MAML2: variants seen among roughly 807,000 people sequenced by gnomAD.
The protein encoded by MAML2 is mastermind-like protein 2.
MAML2 carries 22 observed loss-of-function variants against 96.1 expected under a neutral mutation model. The ratio of observed to expected loss-of-function variants is 0.23; its 90% confidence interval spans 0.16 to 0.33. The LOEUF (loss-of-function observed/expected upper bound fraction) is 0.33, where lower values mean the gene tolerates loss of function less well. MAML2 is among the 10% of genes least tolerant of loss of function. The probability of loss-of-function intolerance (pLI) is 1.00; values close to 1 mark genes in which losing one functional copy is unlikely to be tolerated. For synonymous variants in MAML2, 561 were observed against 521.3 expected (o/e 1.08, Z -1.04); for missense variants, 1,367 against 1,392.4 (o/e 0.98, Z 0.29).
intron 1 of MAML2, among the ~76,000 whole-genome samples, chr11:96,266,716 A>G (rs1862832941): frequency 2.0e-5 from 3 of 152,226 alleles, no homozygotes; most frequent in African/African-American, 7.2e-5. Context: ...CTGACATATT[A>G]AGACCTAGGT....
At chr11:96,055,545 G>A (rs896111284) in intron 2 of MAML2, among the ~76,000 whole-genome samples, 3 of 152,194 alleles carry the variant, frequency 2.0e-5, no homozygotes, top group African/African-American at 7.2e-5. Flanking sequence ...AGATGGGTGT[G>A]ATTGAATGAC....
intron 1 of MAML2, among the ~76,000 whole-genome samples, chr11:96,166,173 TCTCTCA>T (rs1316928104): frequency 4.5e-5 from 5 of 110,514 alleles, no homozygotes; most frequent in Non-Finnish European, 5.9e-5. Context: ...TCTCTCTCTC[TCTCTCA>T]CACACACACA....
At chr11:96,202,985 T>G (rs928701959) in intron 1 of MAML2, among the ~76,000 whole-genome samples, 13 of 152,090 alleles carry the variant, frequency 8.5e-5, no homozygotes, top group African/African-American at 3.1e-4. Flanking sequence ...CCTAGTAAAG[T>G]TTTGAACACA....
chr11:96,326,057 C>A (rs1214156924), intron 1 of MAML2, among the ~76,000 whole-genome samples: 1 of 151,750 alleles, frequency 6.6e-6, no homozygotes, highest in Non-Finnish European at 1.5e-5. Flanking sequence ...CGTTAAATTT[C>A]TCTTGTTCCT....
chr11:96,108,002 A>G (rs1262954541), intron 1 of MAML2, among the ~76,000 whole-genome samples: 1 of 152,180 alleles, frequency 6.6e-6, no homozygotes, highest in Non-Finnish European at 1.5e-5. Context: ...TACTCTAGCA[A>G]ATGAATCAAA....
intron 1 of MAML2, among the ~76,000 whole-genome samples, chr11:96,234,408 GA>G (rs1461075656): frequency 6.6e-6 from 1 of 152,166 alleles, no homozygotes; most frequent in African/African-American, 2.4e-5. Context: ...TTGAACCCGG[GA>G]GGCGGAGGTT....
At chr11:96,186,888 G>A (rs1416694363) in intron 1 of MAML2, among the ~76,000 whole-genome samples, 1 of 152,132 alleles carries the variant, frequency 6.6e-6, no homozygotes, top group Non-Finnish European at 1.5e-5. Context: ...TTTACACAGA[G>A]GCTACCATAT....
intron 1 of MAML2, among the ~76,000 whole-genome samples, chr11:96,167,941 A>C (rs1053245108): frequency 6.6e-6 from 1 of 152,188 alleles, no homozygotes; most frequent in African/African-American, 2.4e-5. Context: ...GTAATGACCT[A>C]TGTATATGTC....
rs1341978004 is a variant in MAML2 at position 96,341,567 on chromosome 11, G to A, written c.329C>T (p.Ala110Val). The change falls in exon 1 of 5, where the codon GCT becomes GTT. Residue 110 changes from alanine (A) to valine (V), a missense_variant. Ala to Val is a moderately conservative substitution (Grantham distance 64). Coordinates refer to ENST00000524717, the MANE Select transcript of MAML2 (RefSeq NM_032427.4). Reference sequence around the variant, plus strand: ...TGCTTGGGAGGCCGCAGGAGGGGCAGCAGGGGGCGGTGGAGGGGCTGTAGT... The same window carrying A: ...TGCTTGGGAGGCCGCAGGAGGGGCAACAGGGGGCGGTGGAGGGGCTGTAGT... ...ATTTAPPPPP[A>V]APPAASQAAA... The A allele has an allele frequency of 6.4e-7, 1 of 1,551,162 alleles. No homozygotes were observed. Among genetic ancestry groups the A allele is most frequent in the Non-Finnish European group, 8.7e-7 (1 of 1,146,932 alleles).
chr11:96,342,233 C>T lies in MAML2; in HGVS notation c.-338G>A, dbSNP rs747842120. On this transcript the variant is annotated 5_prime_UTR_variant, in exon 1 of 5. Coordinates refer to ENST00000524717, the MANE Select transcript of MAML2 (RefSeq NM_032427.4). The stretch of plus-strand genomic sequence containing the variant: ...CCAAGCTGACAAGAGCCACTAGGTA[C>T]TTTGTAAACACACGATCTGGGGGTT... 2 of 456,872 alleles carry T rather than the reference C, an allele frequency of 4.4e-6. No homozygotes were observed. Among genetic ancestry groups the T allele is most frequent in the African/African-American group, 2.0e-5 (1 of 50,382 alleles). 28.3% of individuals were successfully genotyped at this position (456,872 alleles called of 1,614,324 possible).
At chr11:96,070,840 G>T (rs1859333685) in intron 2 of MAML2, among the ~76,000 whole-genome samples, 1 of 152,242 alleles carries the variant, frequency 6.6e-6, no homozygotes, top group African/African-American at 2.4e-5. Flanking sequence ...ACACAACTAT[G>T]GGATGCACAC....
chr11:96,199,647 G>A (rs561315015), intron 1 of MAML2, among the ~76,000 whole-genome samples: 1 of 152,028 alleles, frequency 6.6e-6, no homozygotes, highest in Admixed American at 6.6e-5. Flanking sequence ...CTCTTTGTCA[G>A]TACTTCTGTC....
chr11:96,181,142 G>A lies in MAML2; in HGVS notation c.514-87625C>T, dbSNP rs1861478395. Among the ~76,000 whole-genome samples, 7 of 152,274 alleles carry A rather than the reference G, an allele frequency of 4.6e-5. No individual in the cohort carries two copies. In the South Asian group the frequency reaches 1.4e-3, roughly 32 times the overall value. On this transcript the variant is annotated intron_variant, in intron 1 of 4. Transcript: ENST00000524717. ...TATTCACTTCTTTTGTGATTCTTCA[G>A]TTACTTCAGGCCACTGGGCGTATAC...
At chr11:96,195,788 G>C (rs975290716) in intron 1 of MAML2, among the ~76,000 whole-genome samples, 1 of 152,148 alleles carries the variant, frequency 6.6e-6, no homozygotes. Flanking sequence ...GCTATTAGCA[G>C]TTTATGAGAA....
chr11:96,252,273 T>G lies in MAML2; in HGVS notation c.513+89110A>C, dbSNP rs115330828. Among the ~76,000 whole-genome samples, 758 of 152,286 alleles carry G rather than the reference T, an allele frequency of 5.0e-3. 7 individuals are homozygous for G. The highest frequency in any genetic ancestry group is 0.017 in the African/African-American group (714 of 41,546). On this transcript the variant is annotated intron_variant, in intron 1 of 4. Transcript: ENST00000524717. ...TCTGAAAATGTACTACACATTTTGCTGAGTTCTCTATATAAATAACAGTGA... is the reference window on the plus strand; with the variant it reads ...TCTGAAAATGTACTACACATTTTGCGGAGTTCTCTATATAAATAACAGTGA...
intron 1 of MAML2, among the ~76,000 whole-genome samples, chr11:96,246,108 A>G (rs1297654502): frequency 6.6e-6 from 1 of 152,094 alleles, no homozygotes; most frequent in Non-Finnish European, 1.5e-5. Flanking sequence ...CATGGTCCCT[A>G]TGCTGGAAAG....
chr11:96,301,023 C>A (rs983472343), intron 1 of MAML2, among the ~76,000 whole-genome samples: 1 of 152,154 alleles, frequency 6.6e-6, no homozygotes, highest in Non-Finnish European at 1.5e-5. Context: ...TCTTGGCCCA[C>A]AATAAACACT....
intron 2 of MAML2, among the ~76,000 whole-genome samples, chr11:96,059,146 C>CAAGAGTAACTTA (rs1469166143): frequency 6.6e-6 from 1 of 152,066 alleles, no homozygotes. Context: ...AGGCAATTTA[C>CAAGAGTAACTTA]CTAGGGTAAG....
chr11:96,101,985 T>C (rs1859939375), intron 1 of MAML2, among the ~76,000 whole-genome samples: 1 of 152,136 alleles, frequency 6.6e-6, no homozygotes. Flanking sequence ...GCTCTTAAAA[T>C]ACTGTTTTCA....
Sources: gnomAD v4.1 joint callset for allele counts (sites outside exome capture counted in the v4.1 genomes callset) on GRCh38, gnomAD v4.1.1 for gene constraint, MANE v1.5 for transcripts, NCBI Gene and HGNC (gene_info 2026-07-23, HGNC 2026-07-21) for gene names.